Variants in DIP2B observed in about 807,000 individuals in gnomAD.
DIP2B encodes the protein disco-interacting protein 2 homolog B.
In DIP2B, 76 loss-of-function variants were observed where a neutral mutation model predicts 198.0. That is an observed-to-expected ratio of 0.38 (90% CI 0.32 to 0.46). The LOEUF (loss-of-function observed/expected upper bound fraction) is 0.46, where lower values mean the gene tolerates loss of function less well. Among genes scored for constraint, DIP2B ranks in the 20% least tolerant of loss-of-function variants. The pLI is 0.99. For missense variants in DIP2B, 1,559 were observed against 1,978.4 expected (o/e 0.79, Z 4.02); for synonymous variants, 701 against 739.1 (o/e 0.95, Z 0.84).
Position 50,748,128 on chromosome 12 carries a change from A to T in DIP2B, c.*3289A>T, listed in dbSNP as rs1011725540. The T allele has an allele frequency of 7.2e-5, 11 of 152,594 alleles. No individual in the cohort carries two copies. The highest frequency in any genetic ancestry group is 2.4e-4 in the African/African-American group (10 of 41,430). 9.5% of individuals were successfully genotyped at this position (152,594 alleles called of 1,614,324 possible). On this transcript the variant is annotated 3_prime_UTR_variant, in exon 38 of 38. Transcript: ENST00000301180. The stretch of plus-strand genomic sequence containing the variant: ...GGCCCGAGGCCTTAGGTTTTCTATT[A>T]AGGTCTCTGCCCCAGGCATGGTGCT...
At chr12:50,723,032 A>G (rs1445204310) in intron 26 of DIP2B, among the ~76,000 whole-genome samples, 170 bp from the exon 27 acceptor site, 2 of 151,978 alleles carry the variant, frequency 1.3e-5, no homozygotes, top group Admixed American at 6.6e-5. Context: ...CTAAAGTTTT[A>G]TATGCTTCCT....
intron 1 of DIP2B, among the ~76,000 whole-genome samples, chr12:50,509,407 T>A (rs559859346): frequency 6.6e-6 from 1 of 152,200 alleles, no homozygotes; most frequent in Non-Finnish European, 1.5e-5. Context: ...AGTCTTTCAG[T>A]GTCTGAGAAC....
intron 3 of DIP2B, among the ~76,000 whole-genome samples, chr12:50,641,467 A>G (rs1938255857): frequency 6.6e-6 from 1 of 152,210 alleles, no homozygotes; most frequent in Non-Finnish European, 1.5e-5. Flanking sequence ...AAGAAAGTGA[A>G]GGGTTGGGTC....
intron 1 of DIP2B, among the ~76,000 whole-genome samples, chr12:50,618,356 T>C (rs1937741398): frequency 6.6e-6 from 1 of 152,016 alleles, no homozygotes; most frequent in Non-Finnish European, 1.5e-5. Context: ...GCTGCAGGAG[T>C]AGCAGCAGGG....
At chr12:50,662,420 C>T (rs1452641386) in intron 4 of DIP2B, among the ~76,000 whole-genome samples, 12 of 152,248 alleles carry the variant, frequency 7.9e-5, no homozygotes, top group Admixed American at 7.8e-4. Context: ...AACAATTACA[C>T]ACATGCCTAA....
chr12:50,571,360 T>G (rs1958612071), intron 1 of DIP2B, among the ~76,000 whole-genome samples: 1 of 151,710 alleles, frequency 6.6e-6, no homozygotes, highest in African/African-American at 2.4e-5. Flanking sequence ...TTAGTAGAGA[T>G]GGGGTTATGC....
intron 1 of DIP2B, among the ~76,000 whole-genome samples, chr12:50,505,896 A>C (rs572951502): frequency 9.0e-4 from 136 of 151,936 alleles, no homozygotes; most frequent in Non-Finnish European, 3.2e-4. Flanking sequence ...ATTCGGGCCG[A>C]ATTTTCCGCA....
At position 50,691,171 on chromosome 12, in the gene DIP2B, C is replaced by A; in HGVS notation, c.1654+20C>A. ...CTGAAGGTCAGACCTCATCCCATGACTGCCCTCATTGTTACCTTCAGAGAT... is the reference window on the plus strand; with the variant it reads ...CTGAAGGTCAGACCTCATCCCATGAATGCCCTCATTGTTACCTTCAGAGAT... On this transcript the variant is annotated intron_variant, in intron 13 of 37. Transcript: ENST00000301180. 6.2e-7 allele frequency: 1 copy of A among 1,604,834 alleles called. No individual in the cohort carries two copies. The highest frequency in any genetic ancestry group is 8.5e-7 in the Non-Finnish European group (1 of 1,171,954).
chr12:50,588,374 T>G (rs980040882), intron 1 of DIP2B, among the ~76,000 whole-genome samples: 12 of 152,228 alleles, frequency 7.9e-5, no homozygotes, highest in African/African-American at 2.9e-4. Context: ...GGTCTTGAAC[T>G]CCTCATCTCA....
In DIP2B at chr12:50,674,480, T is replaced by G. The variant is rs1400908035; in HGVS notation, c.647T>G (p.Phe216Cys). 6.2e-7 allele frequency: 1 copy of G among 1,614,124 alleles called. No individual in the cohort carries two copies. The highest frequency in any genetic ancestry group is 1.7e-5 in the Admixed American group (1 of 60,010). Residue 216 changes from phenylalanine to cysteine, a missense_variant, in exon 6 of 38, where the codon TTC (phenylalanine) becomes TGC (cysteine). Physicochemically the swap from Phe to Cys is radical, Grantham distance 205. Coordinates refer to ENST00000301180, the MANE Select transcript of DIP2B (RefSeq NM_173602.3). ...DVFANTRIEN[F>C]SAPPDVTTTT... Reference sequence around the variant, plus strand: ...CTTTGTTTTCTCCTCTCAGAGAATTTCTCTGCTCCTCCTGATGTCACTACA... The same window carrying G: ...CTTTGTTTTCTCCTCTCAGAGAATTGCTCTGCTCCTCCTGATGTCACTACA...
chr12:50,577,281 C>G (rs1958670703), intron 1 of DIP2B, among the ~76,000 whole-genome samples: 1 of 152,120 alleles, frequency 6.6e-6, no homozygotes, highest in Admixed American at 6.5e-5. Flanking sequence ...CCTGTAATCT[C>G]AGCACTTTGG....
intron 1 of DIP2B, among the ~76,000 whole-genome samples, chr12:50,584,024 A>G (rs1211842155): frequency 1.3e-5 from 2 of 151,974 alleles, no homozygotes; most frequent in Non-Finnish European, 1.5e-5. Flanking sequence ...CTTTACTTCC[A>G]TTGCCCAACC....
chr12:50,601,464 C>T (rs1042983583), intron 1 of DIP2B, among the ~76,000 whole-genome samples: 3 of 151,988 alleles, frequency 2.0e-5, no homozygotes, highest in African/African-American at 7.2e-5. Context: ...CCTGCCTCAG[C>T]CTCCTGAGTA....
chr12:50,602,857 C>CA (rs71086464), intron 1 of DIP2B, among the ~76,000 whole-genome samples: 2,547 of 91,132 alleles, frequency 0.028, 50 homozygotes, highest in Non-Finnish European at 0.04. Context: ...GACTCTGTCT[C>CA]AAAAAAAAAA....
At chr12:50,505,828 G>C (rs1033018285) in intron 1 of DIP2B, among the ~76,000 whole-genome samples, 1 of 151,934 alleles carries the variant, frequency 6.6e-6, no homozygotes, top group South Asian at 2.1e-4. Context: ...AGAGACACAC[G>C]GTGCTGCTTT....
intron 27 of DIP2B, 113 bp downstream of exon 27, chr12:50,723,436 T>C: frequency 6.9e-7 from 1 of 1,440,866 alleles, no homozygotes; most frequent in Non-Finnish European, 9.4e-7. Flanking sequence ...AAATTTGTCT[T>C]CTGGAGACTA....
At chr12:50,562,995 T>C (rs928575940) in intron 1 of DIP2B, among the ~76,000 whole-genome samples, 4 of 152,204 alleles carry the variant, frequency 2.6e-5, no homozygotes, top group Non-Finnish European at 4.4e-5. Flanking sequence ...ACAAAAAACC[T>C]ATAATACTCT....
At chr12:50,716,423 A>ACC (rs1211021132) in intron 23 of DIP2B, among the ~76,000 whole-genome samples, 37 of 152,056 alleles carry the variant, frequency 2.4e-4, no homozygotes, top group Admixed American at 1.4e-3. Context: ...AATGGCGTGA[A>ACC]CCCGGGAGGC....
At chr12:50,623,392 T>TAC (rs55689070) in intron 1 of DIP2B, among the ~76,000 whole-genome samples, 108 of 94,434 alleles carry the variant, frequency 1.1e-3, no homozygotes, top group African/African-American at 4.0e-3. Flanking sequence ...TATATGTATC[T>TAC]ACACACACAC....
Sources: allele counts gnomAD v4.1 joint callset (sites outside exome capture counted in the v4.1 genomes callset), GRCh38; gene constraint gnomAD v4.1.1; transcripts MANE v1.5; gene names NCBI Gene and HGNC (gene_info 2026-07-23, HGNC 2026-07-21).